Variants in GNA12 observed in about 807,000 individuals in gnomAD.
GNA12 encodes G protein subunit alpha 12, also known as guanine nucleotide-binding protein subunit alpha-12.
GNA12 carries 9 observed loss-of-function variants against 26.0 expected under a neutral mutation model. The ratio of observed to expected loss-of-function variants is 0.35; its 90% CI spans 0.21 to 0.60. The LOEUF is 0.60. Ranked by LOEUF, GNA12 falls within the 20% of genes least tolerant of loss-of-function variation. The pLI is 0.78. For missense variants in GNA12, 405 were observed against 525.8 expected, an observed-to-expected ratio of 0.77 and a Z score of 2.25; for synonymous variants, 264 against 219.6, an observed-to-expected ratio of 1.20 and a Z score of -1.79.
intron 2 of GNA12, among the ~76,000 whole-genome samples, chr7:2,754,695 G>C (rs1791207388): frequency 6.6e-6 from 1 of 152,166 alleles, no homozygotes; most frequent in South Asian, 2.1e-4. Context: ...GCTGCAGTGA[G>C]CTATGATCAC....
intron 2 of GNA12, among the ~76,000 whole-genome samples, chr7:2,768,673 A>C (rs1466030165): frequency 8.1e-6 from 1 of 122,918 alleles, no homozygotes; most frequent in East Asian, 2.2e-4. Flanking sequence ...AGGTAAAAAA[A>C]AAACAAAACA....
At chr7:2,819,771 C>T (rs377000374) in intron 1 of GNA12, among the ~76,000 whole-genome samples, 24 of 152,268 alleles carry the variant, frequency 1.6e-4, no homozygotes, top group African/African-American at 4.3e-4. Context: ...ACCCCAAAGA[C>T]GTTATATTGG....
rs1789793873 is a variant in GNA12 at position 2,729,732 on chromosome 7, T to G, written c.*1449A>C. 6.6e-6 allele frequency: 1 copy of G among 152,338 alleles called. No individual in the cohort carries two copies. The highest frequency in any genetic ancestry group is 2.1e-4 in the South Asian group (1 of 4,832). The allele number at this position is 152,338 out of a possible 1,614,324, so 9.4% of individuals were successfully genotyped here. A position where few individuals can be genotyped will look rare whatever the true frequency, so the allele number is the denominator to read the frequency against. On this transcript the variant is annotated 3_prime_UTR_variant, in exon 4 of 4. Coordinates refer to ENST00000275364, the MANE Select transcript of GNA12 (RefSeq NM_007353.3). ...GCCACAGCAACATTCGGGTGCCAATTAAGAGGACGCTTTTCATTTTCTTGT... is the reference window on the plus strand; with the variant it reads ...GCCACAGCAACATTCGGGTGCCAATGAAGAGGACGCTTTTCATTTTCTTGT...
intron 1 of GNA12, among the ~76,000 whole-genome samples, chr7:2,834,777 A>C (rs1187169652): frequency 6.6e-6 from 1 of 152,188 alleles, no homozygotes; most frequent in African/African-American, 2.4e-5. Context: ...AATGGCCCAC[A>C]GTATTCAGTA....
intron 1 of GNA12, among the ~76,000 whole-genome samples, chr7:2,821,346 A>G (rs1392928058): frequency 6.6e-6 from 1 of 152,224 alleles, no homozygotes; most frequent in Non-Finnish European, 1.5e-5. Context: ...AAAGACCATG[A>G]GAATGAATTC....
At chr7:2,819,535 A>G (rs1451547211) in intron 1 of GNA12, among the ~76,000 whole-genome samples, 5 of 152,244 alleles carry the variant, frequency 3.3e-5, no homozygotes, top group African/African-American at 1.2e-4. Context: ...GAGAAACACA[A>G]TAACCAAAAG....
At chr7:2,777,156 G>A (rs111469755) in intron 2 of GNA12, among the ~76,000 whole-genome samples, 3,327 of 152,206 alleles carry the variant, frequency 0.022, 129 homozygotes, top group African/African-American at 0.077. Flanking sequence ...GGTTATTGCT[G>A]CCTGCAATCC....
At chr7:2,821,961 C>T (rs74902059) in intron 1 of GNA12, among the ~76,000 whole-genome samples, 9,126 of 152,184 alleles carry the variant, frequency 0.06, 383 homozygotes, top group Non-Finnish European at 0.089. Flanking sequence ...GGTGCCAGGC[C>T]CTAGGGACAC....
At chr7:2,772,442 C>CCCAGCTA (rs1261494561) in intron 2 of GNA12, among the ~76,000 whole-genome samples, 1 of 152,084 alleles carries the variant, frequency 6.6e-6, no homozygotes, top group Non-Finnish European at 1.5e-5. Context: ...CACCTGTAGT[C>CCCAGCTA]CCAGCTACTT....
At chr7:2,742,108 GCCTCC>G (rs1443957041) in intron 2 of GNA12, among the ~76,000 whole-genome samples, 1 of 151,718 alleles carries the variant, frequency 6.6e-6, no homozygotes, top group Non-Finnish European at 1.5e-5. Context: ...TGCAGCCTCC[GCCTCC>G]CAGGTTCAAG....
At chr7:2,772,667 G>A (rs1365035635) in intron 2 of GNA12, among the ~76,000 whole-genome samples, 1 of 152,072 alleles carries the variant, frequency 6.6e-6, no homozygotes, top group East Asian at 1.9e-4. Context: ...TTAAAATCAA[G>A]AGGACAATGC....
At chr7:2,741,583 G>A (rs1790506979) in intron 2 of GNA12, among the ~76,000 whole-genome samples, 1 of 152,144 alleles carries the variant, frequency 6.6e-6, no homozygotes, top group Admixed American at 6.5e-5. Flanking sequence ...TAGGACAGAG[G>A]TATGTGTGAA....
rs1338485354 is a variant in GNA12 at position 2,780,046 on chromosome 7, G to GTATATATATATATA, written c.525+14881_525+14882insTATATATATATATA. ...ACGTACTAGTTTTTTACACATTTCT[G>GTATATATATATATA]TGTACATATATATATATATATATAT... On this transcript the variant is annotated intron_variant, in intron 2 of 3. Coordinates refer to ENST00000275364, the MANE Select transcript of GNA12 (RefSeq NM_007353.3). 1.0e-4 allele frequency among the ~76,000 whole-genome samples: 9 copies of GTATATATATATATA among 85,822 alleles called. 1 individual carries two copies. The highest frequency in any genetic ancestry group is 4.1e-4 in the African/African-American group (9 of 22,180). 56.3% of individuals were successfully genotyped at this position (85,822 alleles called of 152,430 possible). A position where few individuals can be genotyped will look rare whatever the true frequency, so the allele number is the denominator to read the frequency against.
In GNA12 at chr7:2,766,805, A is replaced by C. The variant is rs551605278; in HGVS notation, c.525+28123T>G. 4.9e-4 allele frequency among the ~76,000 whole-genome samples: 74 copies of C among 152,354 alleles called. 1 individual carries two copies. The highest frequency in any genetic ancestry group is 1.6e-3 in the African/African-American group (68 of 41,586). On this transcript the variant is annotated intron_variant, in intron 2 of 3. Coordinates refer to ENST00000275364, the MANE Select transcript of GNA12 (RefSeq NM_007353.3). ...CCCCGAGGAGGCACTATTGGATTGC[A>C]TCTGGGTCTCTTCCTACTATATGGC...
intron 1 of GNA12, among the ~76,000 whole-genome samples, chr7:2,813,844 T>A (rs1793145249): frequency 6.6e-6 from 1 of 152,122 alleles, no homozygotes; most frequent in African/African-American, 2.4e-5. Flanking sequence ...TGCAACACCG[T>A]TCCTGGGCGT....
chr7:2,811,844 C>T (rs769371826), intron 1 of GNA12, among the ~76,000 whole-genome samples: 5 of 152,222 alleles, frequency 3.3e-5, no homozygotes, highest in South Asian at 4.1e-4. Flanking sequence ...CGGCAGGCCA[C>T]GCAGGACACC....
intron 1 of GNA12, among the ~76,000 whole-genome samples, chr7:2,795,939 G>C (rs565410382): frequency 6.6e-6 from 1 of 151,448 alleles, no homozygotes; most frequent in Non-Finnish European, 1.5e-5. Flanking sequence ...TCCTGCCTCA[G>C]CCTCCTAAGT....
At position 2,731,405 on chromosome 7, in the gene GNA12, C is replaced by T. The variant is rs368581021; in HGVS notation, c.922G>A (p.Val308Met). The T allele has an allele frequency of 2.1e-5, 34 of 1,612,670 alleles. No individual in the cohort carries two copies. In the Admixed American group the frequency reaches 3.2e-4, roughly 15 times the overall value. ...TCCGGGAAGTGCTTCTTGATGCTCA[C>T]GGTCTTCACCTTCTCCACCAGGAGG... is the stretch of plus-strand genomic sequence containing the variant. ...MDLLVEKVKTVSIKKHFPDFR... is the reference protein window; with the variant it reads ...MDLLVEKVKTMSIKKHFPDFR... Residue 308 changes from valine (V) to methionine (M), a missense_variant, in exon 4 of 4, where the codon GTG becomes ATG. By Grantham distance (21) the Val-to-Met change is conservative. Transcript: ENST00000275364. The surrounding 1 kb of genome is among the most constrained non-coding windows in gnomAD (Gnocchi z 6.0).
intron 2 of GNA12, among the ~76,000 whole-genome samples, chr7:2,748,357 A>G (rs540415545): frequency 3.3e-5 from 5 of 152,242 alleles, no homozygotes; most frequent in South Asian, 2.1e-4. Context: ...ATAATGCTGC[A>G]TATCTACAAC....
Sources: gnomAD v4.1 joint callset for allele counts (sites outside exome capture counted in the v4.1 genomes callset) on GRCh38, gnomAD v4.1.1 for gene constraint, Gnocchi (gnomAD v3.1) non-coding constraint, MANE v1.5 for transcripts, NCBI Gene and HGNC (gene_info 2026-07-23, HGNC 2026-07-21) for gene names.